The following MORC2 variants were observed in gnomAD, a reference collection of about 807,000 sequenced individuals.
MORC2 encodes the protein MORC family CW-type zinc finger 2.
Under a neutral mutation model 136.0 loss-of-function variants are expected in MORC2, and 30 were observed. That is an observed-to-expected ratio of 0.22 (90% confidence interval 0.17 to 0.30). The LOEUF is 0.30. MORC2 is among the 10% of genes least tolerant of loss of function. The pLI, the probability that MORC2 is intolerant of heterozygous loss-of-function variation, is 1.00. For synonymous variants in MORC2, 439 were observed against 487.0 expected, an observed-to-expected ratio of 0.90 and a Z score of 1.30; for missense variants, 922 against 1,333.1, an observed-to-expected ratio of 0.69 and a Z score of 4.80.
rs1484630360 is a variant in MORC2 at position 30,932,513 on chromosome 22, C to G, written c.2747+32G>C. On this transcript the variant is annotated intron_variant, in intron 23 of 25. Transcript: ENST00000397641. This position sits in a 1 kb window ranked among gnomAD's most constrained non-coding sequence, Gnocchi z 4.4. ...GGAGCAGGCAGAGAGCTGCTGCTGG[C>G]CCTGGGGTGGGAAGACAAAAGACAC... The G allele has an allele frequency of 1.2e-6, 2 of 1,613,138 alleles. No homozygotes were observed. The highest frequency in any genetic ancestry group is 1.7e-5 in the Admixed American group (1 of 60,000).
chr22:30,928,767 T>C (rs1168790732), intron 24 of MORC2, among the ~76,000 whole-genome samples: 1 of 152,244 alleles, frequency 6.6e-6, no homozygotes, highest in Non-Finnish European at 1.5e-5. Context: ...ACAAGCAGTT[T>C]TTCTAGTGGC....
chr22:30,945,922 G>A (rs1175002874), intron 6 of MORC2, among the ~76,000 whole-genome samples: 1 of 152,132 alleles, frequency 6.6e-6, no homozygotes, highest in Non-Finnish European at 1.5e-5. Flanking sequence ...AAAGGAAAAT[G>A]AGCTCATAGC....
chr22:30,946,362 A>C lies in MORC2; in HGVS notation c.405T>G (p.His135Gln), dbSNP rs144582460. The C allele has an allele frequency of 6.2e-7, 1 of 1,609,956 alleles. No homozygotes were observed. The highest frequency in any genetic ancestry group is 8.5e-7 in the Non-Finnish European group (1 of 1,177,900). The change falls in exon 6 of 26, where the codon CAT (histidine) becomes CAG (glutamine). Residue 135 changes from histidine to glutamine, a missense_variant. Around this residue, in one of 9 missense-constraint regions of MORC2, gnomAD observed 261 missense variants for 354.3 expected, o/e 0.74. Coordinates refer to ENST00000397641, the MANE Select transcript of MORC2 (RefSeq NM_001303256.3). ...MTCLFLSRTF[H>Q]EEEGIDEVIV... ...CTACTTCATCAATGCCTTCTTCCTC[A>C]TGAAACGTGCGAGACAGGAAGAGGC...
At chr22:30,950,337 G>GGGGGGGGGGGGCC in intron 4 of MORC2, 40 bp downstream of exon 4, 1 of 761,768 alleles carries the variant, frequency 1.3e-6, no homozygotes, top group Non-Finnish European at 2.3e-6. Context: ...TGGTTACATC[G>GGGGGGGGGGGGCC]CACCCCCCCA....
chr22:30,944,714 T>C (rs1225586674), intron 6 of MORC2, among the ~76,000 whole-genome samples: 2 of 152,194 alleles, frequency 1.3e-5, no homozygotes. Flanking sequence ...GCAGAACCTA[T>C]GAGTCATCCA....
At chr22:30,938,626 G>C (rs1020603424) in intron 12 of MORC2, among the ~76,000 whole-genome samples, 1 of 152,182 alleles carries the variant, frequency 6.6e-6, no homozygotes, top group African/African-American at 2.4e-5. Flanking sequence ...CTGGAGTGCA[G>C]TGGTGCGATC....
At position 30,937,180 on chromosome 22, in the gene MORC2, A is replaced by G; in HGVS notation, c.1499-143T>C. The stretch of plus-strand genomic sequence containing the variant: ...TCGGGCTCCAACTCTGCCTATCCTT[A>G]GAGAATACTAATTCTTCTCAGGGAC... On this transcript the variant is annotated intron_variant, in intron 15 of 25. Coordinates refer to ENST00000397641, the MANE Select transcript of MORC2 (RefSeq NM_001303256.3). The surrounding 1 kb of genome is among the most constrained non-coding windows in gnomAD (Gnocchi z 4.7). 1 of 660,098 alleles carries G rather than the reference A, an allele frequency of 1.5e-6. No homozygotes were observed. Among genetic ancestry groups the G allele is most frequent in the Non-Finnish European group, 2.7e-6 (1 of 370,632 alleles). 40.9% of individuals were successfully genotyped at this position (660,098 alleles called of 1,614,324 possible).
At position 30,938,203 on chromosome 22, in the gene MORC2, GCT is replaced by G; in HGVS notation, c.1074_1075del (p.Ala359ThrfsTer2). 9.3e-6 allele frequency: 15 copies of G among 1,611,402 alleles called. No homozygotes were observed. In the African/African-American group the frequency reaches 1.1e-4, roughly 12 times the overall value. On this transcript the variant is annotated frameshift_variant and splice_region_variant, in exon 13 of 26. Coordinates refer to ENST00000397641, the MANE Select transcript of MORC2 (RefSeq NM_001303256.3). LOFTEE classifies it high-confidence loss of function. The stretch of plus-strand genomic sequence containing the variant: ...ATTCAGTTCCTTAGGTTCTTTAAGT[GCT>G]CTAAGAAGACAAAAAAACTCAAGCA...
At chr22:30,931,039 C>T (rs1017959346) in intron 24 of MORC2, among the ~76,000 whole-genome samples, 3 of 152,324 alleles carry the variant, frequency 2.0e-5, no homozygotes, top group East Asian at 1.9e-4. Context: ...AGTCTCCTGA[C>T]GACCTCTGAC....
At chr22:30,940,635 C>T in intron 10 of MORC2, 123 bp downstream of exon 10, 2 of 824,336 alleles carry the variant, frequency 2.4e-6, no homozygotes, top group Non-Finnish European at 2.1e-6. Context: ...CTGAACTATG[C>T]TTCAGGAGAC....
intron 3 of MORC2, among the ~76,000 whole-genome samples, chr22:30,952,568 T>C (rs951197579): frequency 6.6e-5 from 10 of 152,374 alleles, no homozygotes; most frequent in Admixed American, 4.6e-4. Flanking sequence ...ACATAGTAAC[T>C]GACAGCCTAT....
intron 12 of MORC2, among the ~76,000 whole-genome samples, chr22:30,938,880 T>C (rs906055081): frequency 3.3e-5 from 5 of 152,224 alleles, no homozygotes; most frequent in Admixed American, 2.6e-4. Context: ...ATTATTATTA[T>C]TTTAAAAGGC....
chr22:30,942,355 C>A, intron 6 of MORC2, 84 bp from the exon 7 acceptor site: 2 of 1,457,640 alleles, frequency 1.4e-6, no homozygotes, highest in Non-Finnish European at 1.9e-6. Context: ...TGTCCCTCCC[C>A]ACAGCAGCTC....
intron 3 of MORC2, among the ~76,000 whole-genome samples, chr22:30,950,692 G>A (rs938818340): frequency 6.6e-6 from 1 of 152,190 alleles, no homozygotes; most frequent in Non-Finnish European, 1.5e-5. Context: ...ATCTGGTCCA[G>A]CATCTAATCA....
intron 24 of MORC2, among the ~76,000 whole-genome samples, chr22:30,931,458 A>T (rs1303912121): frequency 6.6e-6 from 1 of 152,124 alleles, no homozygotes; most frequent in African/African-American, 2.4e-5. Flanking sequence ...CTTCAGCTCA[A>T]AACTTTTGCA....
chr22:30,933,681 C>G (rs931708274), intron 20 of MORC2, among the ~76,000 whole-genome samples, 161 bp from the exon 21 acceptor site: 1 of 152,184 alleles, frequency 6.6e-6, no homozygotes, highest in African/African-American at 2.4e-5. Context: ...AAATCACTGT[C>G]CAAGGTACCT....
In MORC2 at chr22:30,936,670, C is replaced by T. The variant is rs146380655; in HGVS notation, c.1605-27G>A. The stretch of plus-strand genomic sequence containing the variant: ...TGTAGAGACAAGGTACTACAGAGGT[C>T]GTGGCAAACAGAGCGCCAAGCTCGG... On this transcript the variant is annotated intron_variant, in intron 16 of 25. Coordinates refer to ENST00000397641, the MANE Select transcript of MORC2 (RefSeq NM_001303256.3). The T allele has an allele frequency of 2.5e-4, 406 of 1,606,828 alleles. No homozygotes were observed. In the African/African-American group the frequency reaches 4.7e-3, roughly 19 times the overall value.
At chr22:30,959,996 T>TC (rs1255402027) in intron 1 of MORC2, among the ~76,000 whole-genome samples, 2 of 152,260 alleles carry the variant, frequency 1.3e-5, no homozygotes, top group Non-Finnish European at 2.9e-5. Flanking sequence ...AGACAGAGTT[T>TC]CGCTCTTGTC....
rs748648749 is a variant in MORC2 at position 30,940,026 on chromosome 22, C to T, written c.920G>A (p.Arg307Gln). Residue 307 changes from arginine to glutamine, a missense_variant, in exon 11 of 26, where the codon CGG becomes CAG. Around this residue, in one of 9 missense-constraint regions of MORC2, gnomAD observed 261 missense variants for 354.3 expected, o/e 0.74. Coordinates refer to ENST00000397641, the MANE Select transcript of MORC2 (RefSeq NM_001303256.3). ...HVARIAEEKA[R>Q]EAESKARTLE... ...TGTCCGAGCTTTGCTCTCTGCCTCC[C>T]GCGCCTTCTCTTCAGCTGAAACCCA... 5.0e-6 allele frequency: 8 copies of T among 1,613,768 alleles called. No homozygotes were observed. The African/African-American group carries it at 5.3e-5, about 11-fold the overall frequency.
Sources: allele counts gnomAD v4.1 joint callset (sites outside exome capture counted in the v4.1 genomes callset), GRCh38; gene constraint gnomAD v4.1.1; regional missense constraint gnomAD v4.1.1; non-coding constraint Gnocchi (gnomAD v3.1); transcripts MANE v1.5; gene names NCBI Gene and HGNC (gene_info 2026-07-23, HGNC 2026-07-21).